DAB1: variants seen among roughly 807,000 people sequenced by gnomAD.
DAB1 encodes the protein DAB adaptor protein 1.
In DAB1, 15 loss-of-function variants were observed where a neutral mutation model predicts 64.6. The ratio of observed to expected loss-of-function variants is 0.23; its 90% CI spans 0.16 to 0.36. DAB1 has a LOEUF of 0.36. DAB1 is among the 10% of genes least tolerant of loss of function. DAB1 has a pLI of 1.00. For synonymous variants in DAB1, 235 were observed against 251.9 expected (o/e 0.93, Z 0.64); for missense variants, 596 against 706.7 (o/e 0.84, Z 1.78).
At position 57,071,980 on chromosome 1, in the gene DAB1, G is replaced by A. The variant is rs201658480; in HGVS notation, c.438+303C>T. ...TTTCTTTTTAAATGAGGCTATGAAC[G>A]CAAGGAAACTTATTTGTATACGGTG... On this transcript the variant is annotated intron_variant, in intron 5 of 14. Coordinates refer to ENST00000371236, the MANE Select transcript of DAB1 (RefSeq NM_001365792.1). Among the ~76,000 whole-genome samples, 7 of 150,442 alleles carry A rather than the reference G, an allele frequency of 4.7e-5. No homozygotes were observed. The South Asian group carries it at 1.0e-3, about 22-fold the overall frequency.
At chr1:58,385,690 C>T (rs1018338739) in intron 3 of DAB1, among the ~76,000 whole-genome samples, 1 of 152,202 alleles carries the variant, frequency 6.6e-6, no homozygotes, top group Non-Finnish European at 1.5e-5. Context: ...TCCTAATGGA[C>T]CCAGGATGCA....
At chr1:57,511,191 C>T (rs1644401140) in intron 7 of DAB1, among the ~76,000 whole-genome samples, 2 of 152,156 alleles carry the variant, frequency 1.3e-5, no homozygotes, top group Admixed American at 6.5e-5. Flanking sequence ...AGATAGAAAT[C>T]TAATTGTGCC....
intron 14 of DAB1, among the ~76,000 whole-genome samples, chr1:57,001,781 C>T (rs1159243975): frequency 6.6e-6 from 1 of 152,172 alleles, no homozygotes; most frequent in Non-Finnish European, 1.5e-5. Flanking sequence ...GCTTCGGAGG[C>T]TTCTTTGTTC....
At chr1:57,155,847 G>A (rs771394987) in intron 2 of DAB1, among the ~76,000 whole-genome samples, 17 of 149,252 alleles carry the variant, frequency 1.1e-4, no homozygotes, top group African/African-American at 3.9e-4. Flanking sequence ...ATATAGAAAT[G>A]CTACTGATTT....
At chr1:58,130,455 A>C (rs1003518895) in intron 5 of DAB1, among the ~76,000 whole-genome samples, 1 of 152,084 alleles carries the variant, frequency 6.6e-6, no homozygotes, top group Non-Finnish European at 1.5e-5. Context: ...TAGTCCATTT[A>C]CAATTAAAAT....
At position 57,763,980 on chromosome 1, in the gene DAB1, G is replaced by C. The variant is rs541704853; in HGVS notation, n.552-114315C>G. ...TTGTCTATCAGGTAAGTAGATAAGA[G>C]TAGCCATACTCAGGTAAGTTGCAAA... On this transcript the variant is annotated intron_variant and non_coding_transcript_variant, in intron 6 of 20. Coordinates refer to the DAB1 transcript ENST00000485760. Among the ~76,000 whole-genome samples, 5 of 152,268 alleles carry C rather than the reference G, an allele frequency of 3.3e-5. No homozygotes were observed. In the East Asian group the frequency reaches 9.7e-4, roughly 29 times the overall value.
In DAB1 at chr1:57,219,678, C is replaced by A. The variant is rs1666708656; in HGVS notation, c.67+71286G>T. Among the ~76,000 whole-genome samples the A allele has an allele frequency of 2.0e-5, 3 of 152,280 alleles. No homozygotes were observed. In the South Asian group the frequency reaches 6.2e-4, roughly 32 times the overall value. On this transcript the variant is annotated intron_variant, in intron 2 of 14. Transcript: ENST00000371236. ...TTGTGAGAAGGTGTGTGAGGGGACC[C>A]TGTGGCAGAGAATTTGGGGACTTCT...
At chr1:58,309,357 T>C (rs1010469916) in intron 4 of DAB1, among the ~76,000 whole-genome samples, 4 of 152,196 alleles carry the variant, frequency 2.6e-5, no homozygotes, top group African/African-American at 4.8e-5. Flanking sequence ...TGAATTTTAA[T>C]AGAGCAACTC....
intron 1 of DAB1, among the ~76,000 whole-genome samples, chr1:57,350,719 C>T (rs145549077): frequency 2.0e-5 from 3 of 151,564 alleles, no homozygotes; most frequent in Admixed American, 6.6e-5. Context: ...CACAAAGTCA[C>T]AACAGCTGGC....
chr1:58,217,886 C>G lies in DAB1; in HGVS notation n.310-67298G>C, dbSNP rs139385877. Among the ~76,000 whole-genome samples, 598 of 152,166 alleles carry G rather than the reference C, an allele frequency of 3.9e-3. 11 individuals are homozygous for G. The highest frequency in any genetic ancestry group is 0.014 in the African/African-American group (567 of 41,522). On this transcript the variant is annotated intron_variant and non_coding_transcript_variant, in intron 4 of 20. Coordinates refer to the DAB1 transcript ENST00000485760. ...TCTGTTAATATTTGAATGAATGAAT[C>G]AATCAATCATCAATCAGTAGAGGTA...
chr1:57,315,330 T>C (rs979417179), intron 1 of DAB1, among the ~76,000 whole-genome samples: 7 of 152,178 alleles, frequency 4.6e-5, no homozygotes, highest in African/African-American at 1.7e-4. Context: ...CTTAACCTCT[T>C]GAGAGCACCA....
intron 9 of DAB1, among the ~76,000 whole-genome samples, chr1:57,028,070 A>G (rs950648396): frequency 3.9e-5 from 6 of 152,166 alleles, no homozygotes; most frequent in African/African-American, 1.4e-4. Context: ...CTGTGGGAGT[A>G]CCTAGAAGGA....
chr1:57,177,595 G>A (rs761613400), intron 2 of DAB1, among the ~76,000 whole-genome samples: 11 of 152,160 alleles, frequency 7.2e-5, no homozygotes, highest in Admixed American at 4.6e-4. Flanking sequence ...ACTCTAAAGC[G>A]CATGGCCATG....
chr1:58,289,257 T>TA (rs1661760025), intron 4 of DAB1, among the ~76,000 whole-genome samples: 1 of 152,198 alleles, frequency 6.6e-6, no homozygotes, highest in Non-Finnish European at 1.5e-5. Flanking sequence ...TGCATCAATC[T>TA]AGTGTATCCT....
chr1:57,763,706 C>T (rs1447941220), intron 6 of DAB1, among the ~76,000 whole-genome samples: 1 of 152,098 alleles, frequency 6.6e-6, no homozygotes, highest in African/African-American at 2.4e-5. Context: ...TTGCAGGCCA[C>T]ACCAAAACAG....
At chr1:57,516,108 C>A (rs1369256100) in intron 7 of DAB1, among the ~76,000 whole-genome samples, 1 of 152,156 alleles carries the variant, frequency 6.6e-6, no homozygotes, top group Non-Finnish European at 1.5e-5. Flanking sequence ...TAAAGTGGGA[C>A]TGCTTAAACA....
intron 6 of DAB1, among the ~76,000 whole-genome samples, chr1:57,796,493 T>C (rs1226243991): frequency 6.6e-6 from 1 of 151,672 alleles, no homozygotes; most frequent in East Asian, 1.9e-4. Flanking sequence ...TGCCGCTGCA[T>C]TCCAGCCTGG....
At chr1:57,398,220 G>A (rs1295502031) in intron 1 of DAB1, among the ~76,000 whole-genome samples, 1 of 152,214 alleles carries the variant, frequency 6.6e-6, no homozygotes, top group Non-Finnish European at 1.5e-5. Context: ...TACTGTCAGT[G>A]TGCTTGGGAC....
In DAB1 at chr1:57,578,898, C is replaced by G. The variant is rs376200434; in HGVS notation, n.625+70694G>C. The stretch of plus-strand genomic sequence containing the variant: ...AGTCAAGCCCTTTGCACACAGTCAG[C>G]ATTTGCTACCTGCTGCTGAATCATT... On this transcript the variant is annotated intron_variant and non_coding_transcript_variant, in intron 7 of 20. Transcript: ENST00000485760. Among the ~76,000 whole-genome samples, 11 of 152,320 alleles carry G rather than the reference C, an allele frequency of 7.2e-5. No homozygotes were observed. The South Asian group carries it at 2.3e-3, about 32-fold the overall frequency.
Sources: allele counts gnomAD v4.1 joint callset (sites outside exome capture counted in the v4.1 genomes callset), GRCh38; gene constraint gnomAD v4.1.1; transcripts MANE v1.5; gene names NCBI Gene and HGNC (gene_info 2026-07-23, HGNC 2026-07-21).